The following MYL3 variants were observed in gnomAD, a reference collection of about 807,000 sequenced individuals.
The protein encoded by MYL3 is myosin light chain 3.
MYL3 carries 11 observed loss-of-function variants against 21.3 expected under a neutral mutation model. The observed-to-expected ratio is 0.52, with a 90% CI of 0.32 to 0.85. MYL3 has a LOEUF of 0.85. Ranked by LOEUF, MYL3 falls within the 40% of genes least tolerant of loss-of-function variation. The pLI is 0.03. For synonymous variants in MYL3, 88 were observed against 91.6 expected (o/e 0.96, Z 0.22); for missense variants, 206 against 253.3 (o/e 0.81, Z 1.27).
chr3:46,874,943 C>T lies in MYL3; in HGVS notation c.-218+7131G>A, dbSNP rs1034501433. On this transcript the variant is annotated intron_variant, in intron 1 of 3. Coordinates refer to the MYL3 transcript ENST00000431168. This position sits in a 1 kb window ranked among gnomAD's most constrained non-coding sequence, Gnocchi z 4.1. ...GAGGCCTTTCTCCTACCCCACTCCC[C>T]GCCACCATGCCACCAGGGATCTCCC... 3.3e-5 allele frequency among the ~76,000 whole-genome samples: 5 copies of T among 152,214 alleles called. No individual in the cohort carries two copies. Among genetic ancestry groups the T allele is most frequent in the African/African-American group, 7.2e-5 (3 of 41,454 alleles).
At chr3:46,864,298 A>G (rs1007837582), upstream of MYL3, among the ~76,000 whole-genome samples, 13 of 151,890 alleles carry the variant, frequency 8.6e-5, no homozygotes, top group Admixed American at 7.2e-4. The surrounding 1 kb of genome is among the most constrained non-coding windows in gnomAD (Gnocchi z 4.7). Flanking sequence ...CTATGGGTCC[A>G]AGGGTCTCCA....
chr3:46,872,060 G>A (rs564086394), intron 1 of MYL3, among the ~76,000 whole-genome samples: 5 of 152,314 alleles, frequency 3.3e-5, no homozygotes, highest in East Asian at 1.9e-4. Flanking sequence ...ACAGTGGGGC[G>A]AGAGTTCCCT....
chr3:46,865,618 C>A (rs546341209), upstream of MYL3, among the ~76,000 whole-genome samples: 1 of 152,210 alleles, frequency 6.6e-6, no homozygotes, highest in Non-Finnish European at 1.5e-5. The surrounding 1 kb of genome is among the most constrained non-coding windows in gnomAD (Gnocchi z 4.3). Flanking sequence ...AATTACCACC[C>A]CTTGGAAACC....
At chr3:46,873,713 C>T (rs931055357) in intron 1 of MYL3, among the ~76,000 whole-genome samples, 1 of 152,200 alleles carries the variant, frequency 6.6e-6, no homozygotes, top group African/African-American at 2.4e-5. Context: ...AGTCCCTTGC[C>T]TCCACAGCCC....
At chr3:46,880,340 T>C (rs1472721896) in intron 1 of MYL3, 1 of 152,074 alleles carries the variant, frequency 6.6e-6, no homozygotes, top group African/African-American at 2.4e-5. Flanking sequence ...ACAGTTCCTG[T>C]TAGGGAGAGT....
In MYL3 at chr3:46,859,043, C is replaced by A. The variant is rs765500662; in HGVS notation, c.481+432G>T. On this transcript the variant is annotated intron_variant, in intron 4 of 6. Transcript: ENST00000292327. The surrounding 1 kb of genome is among the most constrained non-coding windows in gnomAD (Gnocchi z 4.1). ...GGAAAAAATCACTTTGAAGAGGGAC[C>A]CCCTGCTGCAGGCAGCCGATGGTAG... is the stretch of plus-strand genomic sequence containing the variant. 3.3e-5 allele frequency among the ~76,000 whole-genome samples: 5 copies of A among 152,092 alleles called. No homozygotes were observed. Among genetic ancestry groups the A allele is most frequent in the Non-Finnish European group, 5.9e-5 (4 of 67,998 alleles).
chr3:46,870,103 C>A (rs1702094305), intron 1 of MYL3, among the ~76,000 whole-genome samples: 1 of 151,946 alleles, frequency 6.6e-6, no homozygotes, highest in Non-Finnish European at 1.5e-5. Context: ...GGGTCAGGGA[C>A]AAATGTTGCC....
Position 46,860,785 on chromosome 3 carries a change from C to T in MYL3, c.198G>A (p.Lys66=), listed in dbSNP as rs781357657. The change falls in exon 3 of 7, where the codon AAG becomes AAA. Residue 66 remains lysine (K), a synonymous_variant. Coordinates refer to ENST00000292327, the MANE Select transcript of MYL3 (RefSeq NM_000258.3). This position sits in a 1 kb window ranked among gnomAD's most constrained non-coding sequence, Gnocchi z 4.6. The stretch of plus-strand genomic sequence containing the variant: ...GCCCGTAGGTGATCTTCATCTCACA[C>T]TTGGGTGTGCGGTCGAACAGCATGA... ...EAFMLFDRTP[K]CEMKITYGQC... 3 of 1,614,152 alleles carry T rather than the reference C, an allele frequency of 1.9e-6. No homozygotes were observed. Among genetic ancestry groups the T allele is most frequent in the African/African-American group, 1.3e-5 (1 of 75,020 alleles).
intron 1 of MYL3, among the ~76,000 whole-genome samples, chr3:46,875,288 G>T (rs919638964): frequency 1.3e-5 from 2 of 152,170 alleles, no homozygotes; most frequent in African/African-American, 4.8e-5. Flanking sequence ...CAATCCCAGT[G>T]CTTCCCCTTC....
chr3:46,873,747 G>T (rs1359064001), intron 1 of MYL3, among the ~76,000 whole-genome samples: 2 of 152,192 alleles, frequency 1.3e-5, no homozygotes, highest in African/African-American at 4.8e-5. Flanking sequence ...GGAAAGGAGT[G>T]CAGTGGGACT....
chr3:46,869,610 G>A (rs923343028), intron 1 of MYL3, among the ~76,000 whole-genome samples: 37 of 152,270 alleles, frequency 2.4e-4, no homozygotes, highest in Non-Finnish European at 4.4e-4. Context: ...CCACACGTGT[G>A]ATTGTGTGGG....
upstream of MYL3, among the ~76,000 whole-genome samples, chr3:46,865,036 C>T (rs1702034608): frequency 6.6e-6 from 1 of 152,168 alleles, no homozygotes; most frequent in Admixed American, 6.5e-5. This position sits in a 1 kb window ranked among gnomAD's most constrained non-coding sequence, Gnocchi z 4.3. Flanking sequence ...CAGGGATTTC[C>T]CTGGTGTGGC....
chr3:46,876,547 C>T (rs1340741596), intron 1 of MYL3, among the ~76,000 whole-genome samples: 1 of 152,210 alleles, frequency 6.6e-6, no homozygotes, highest in Non-Finnish European at 1.5e-5. Flanking sequence ...TCTTTGGTCC[C>T]GTTTCCTCCA....
At position 46,874,036 on chromosome 3, in the gene MYL3, G is replaced by A. The variant is rs1008950176; in HGVS notation, c.-217-7436C>T. Among the ~76,000 whole-genome samples, 14 of 152,366 alleles carry A rather than the reference G, an allele frequency of 9.2e-5. No homozygotes were observed. The highest frequency in any genetic ancestry group is 3.4e-4 in the African/African-American group (14 of 41,588). ...GAGCCCTTCGGCCTCTTCCAAAGAGGCTCACCTCAGAGGGCACGGGTGTCG... is the reference window on the plus strand; with the variant it reads ...GAGCCCTTCGGCCTCTTCCAAAGAGACTCACCTCAGAGGGCACGGGTGTCG... On this transcript the variant is annotated intron_variant, in intron 1 of 3. Coordinates refer to the MYL3 transcript ENST00000431168. This position sits in a 1 kb window ranked among gnomAD's most constrained non-coding sequence, Gnocchi z 4.1.
intron 1 of MYL3, chr3:46,877,782 C>T (rs964430337): frequency 1.2e-4 from 18 of 152,268 alleles, no homozygotes; most frequent in Non-Finnish European, 1.9e-4. Flanking sequence ...ATGGCCTCCC[C>T]GTGGCCAACT....
Position 46,859,776 on chromosome 3 carries a change from A to T in MYL3, c.308-128T>A. The T allele has an allele frequency of 9.0e-7, 1 of 1,114,574 alleles. No individual in the cohort carries two copies. Among genetic ancestry groups the T allele is most frequent in the South Asian group, 1.3e-5 (1 of 79,356 alleles). 69.0% of individuals were successfully genotyped at this position (1,114,574 alleles called of 1,614,324 possible). On this transcript the variant is annotated intron_variant, in intron 3 of 6. Transcript: ENST00000292327. The surrounding 1 kb of genome is among the most constrained non-coding windows in gnomAD (Gnocchi z 4.1). ...TACAACAGTCTACACCAGTTCTCAC[A>T]GCAGTCTACACCAGTTTGCCATTTA...
At chr3:46,867,652 C>T (rs961364896), upstream of MYL3, among the ~76,000 whole-genome samples, 16 of 152,368 alleles carry the variant, frequency 1.1e-4, no homozygotes, top group South Asian at 2.1e-4. Context: ...AGCCATGGCC[C>T]GCCCTGGCCT....
intron 1 of MYL3, among the ~76,000 whole-genome samples, chr3:46,870,848 G>A (rs534511257): frequency 2.0e-5 from 3 of 152,222 alleles, no homozygotes; most frequent in East Asian, 3.9e-4. Flanking sequence ...ACTGAAATGT[G>A]TGTGTGCACA....
At position 46,879,717 on chromosome 3, in the gene MYL3, A is replaced by G. The variant is rs1267803983; in HGVS notation, c.-218+2357T>C. On this transcript the variant is annotated intron_variant, in intron 1 of 3. Transcript: ENST00000431168. The surrounding 1 kb of genome is among the most constrained non-coding windows in gnomAD (Gnocchi z 4.7). ...AGCCATGACCGTGCCACTGCACTCCAGCCTGGGTGACACAGCAAGACCCTG... is the reference window on the plus strand; with the variant it reads ...AGCCATGACCGTGCCACTGCACTCCGGCCTGGGTGACACAGCAAGACCCTG... Among the ~76,000 whole-genome samples the G allele has an allele frequency of 1.3e-5, 2 of 152,152 alleles. No individual in the cohort carries two copies. The highest frequency in any genetic ancestry group is 4.8e-5 in the African/African-American group (2 of 41,428).
Sources: allele counts gnomAD v4.1 joint callset (sites outside exome capture counted in the v4.1 genomes callset), GRCh38; gene constraint gnomAD v4.1.1; non-coding constraint Gnocchi (gnomAD v3.1); transcripts MANE v1.5; gene names NCBI Gene and HGNC (gene_info 2026-07-23, HGNC 2026-07-21).